The following MTMR9 variants were observed in gnomAD, a reference collection of about 807,000 sequenced individuals.
The protein encoded by MTMR9 is myotubularin related protein 9.
Under a neutral mutation model 69.5 loss-of-function variants are expected in MTMR9, and 39 were observed. That is an observed-to-expected ratio of 0.56 (90% CI 0.43 to 0.73). MTMR9 has a LOEUF of 0.73. MTMR9 is among the 30% of genes least tolerant of loss of function. The pLI is 0.00. For missense variants in MTMR9, 900 were observed against 671.2 expected (o/e 1.34, Z -3.77); for synonymous variants, 354 against 240.8 (o/e 1.47, Z -4.35).
downstream of MTMR9, chr8:11,331,080 G>A: frequency 6.4e-7 from 1 of 1,572,070 alleles, no homozygotes; most frequent in South Asian, 1.2e-5. Flanking sequence ...CCCTGAGCCA[G>A]GAGGAGAGGA....
rs780161839 is a variant in MTMR9 at position 11,304,867 on chromosome 8, C to G, written c.444C>G (p.Val148=). The G allele has an allele frequency of 6.2e-7, 1 of 1,614,016 alleles. No individual in the cohort carries two copies. The highest frequency in any genetic ancestry group is 8.5e-7 in the Non-Finnish European group (1 of 1,179,934). The change falls in exon 4 of 10, where the codon GTC becomes GTG. Residue 148 remains valine (V), a synonymous_variant. Coordinates refer to ENST00000221086, the MANE Select transcript of MTMR9 (RefSeq NM_015458.4). ...CCAGTGAATGGAGGCTAAGCTATGT[C>G]AATAAGGAATTTGCTGTCTGTCCCT... ...SATSEWRLSY[V]NKEFAVCPSY...
chr8:11,319,894 T>C (rs1033411396), intron 9 of MTMR9, 56 bp downstream of exon 9: 4 of 1,573,094 alleles, frequency 2.5e-6, no homozygotes, highest in Non-Finnish European at 3.5e-6. Context: ...TGCGGCTGCC[T>C]GTGAGTGTGT....
At chr8:11,319,645 T>G in intron 8 of MTMR9, 42 bp from the exon 9 acceptor site, 1 of 1,605,412 alleles carries the variant, frequency 6.2e-7, no homozygotes. Context: ...TAATGGTTGT[T>G]ATAAATTAAT....
chr8:11,285,216 C>G, intron 1 of MTMR9, 146 bp downstream of exon 1: 1 of 772,058 alleles, frequency 1.3e-6, no homozygotes, highest in Non-Finnish European at 2.0e-6. Flanking sequence ...CAGGATTTAC[C>G]AAGCTGAAAC....
chr8:11,295,494 G>A (rs1799522677), intron 2 of MTMR9, among the ~76,000 whole-genome samples, 192 bp downstream of exon 2: 1 of 128,520 alleles, frequency 7.8e-6, no homozygotes, highest in Non-Finnish European at 1.8e-5. Context: ...GCAGTGTCTG[G>A]TGTTACTCAC....
chr8:11,304,067 C>A (rs1297004830), intron 3 of MTMR9, among the ~76,000 whole-genome samples: 1 of 150,294 alleles, frequency 6.7e-6, no homozygotes, highest in Non-Finnish European at 1.5e-5. Flanking sequence ...TTTTTTTTTA[C>A]TGTAAAACCT....
In MTMR9 at chr8:11,319,712, A is replaced by G. The variant is rs1348011846; in HGVS notation, c.1360A>G (p.Thr454Ala). The G allele has an allele frequency of 1.9e-6, 3 of 1,614,032 alleles. No individual in the cohort carries two copies. The highest frequency in any genetic ancestry group is 1.7e-4 in the Middle Eastern group (1 of 5,944). The change falls in exon 9 of 10, where the codon ACG (threonine) becomes GCG (alanine). Residue 454 changes from threonine to alanine, a missense_variant. Coordinates refer to ENST00000221086, the MANE Select transcript of MTMR9 (RefSeq NM_015458.4). ...ATGTAAGTTGAAGCTACAGCAGAAGACGATGTCTTTGTGGTCCTGGGTTAA... is the reference window on the plus strand; with the variant it reads ...ATGTAAGTTGAAGCTACAGCAGAAGGCGATGTCTTTGTGGTCCTGGGTTAA... ...ERCKLKLQQK[T>A]MSLWSWVNQP... is the part of the protein sequence containing the mutation.
At chr8:11,313,247 T>G (rs1198547644) in intron 6 of MTMR9, among the ~76,000 whole-genome samples, 1 of 152,224 alleles carries the variant, frequency 6.6e-6, no homozygotes, top group African/African-American at 2.4e-5. Context: ...TCAGCCTTCA[T>G]AGAACTTTGT....
chr8:11,331,165 C>G (rs1013880894), downstream of MTMR9: 3 of 1,612,810 alleles, frequency 1.9e-6, no homozygotes, highest in African/African-American at 4.0e-5. Flanking sequence ...TCGCCGCCCT[C>G]CGCTCCACCC....
chr8:11,315,157 T>G (rs1800363734), intron 7 of MTMR9, 93 bp downstream of exon 7: 1 of 1,455,882 alleles, frequency 6.9e-7, no homozygotes, highest in Non-Finnish European at 9.4e-7. Flanking sequence ...AAATTTCGAT[T>G]GATTAAAATT....
chr8:11,310,336 C>T (rs1057347184), intron 6 of MTMR9, among the ~76,000 whole-genome samples: 1 of 152,266 alleles, frequency 6.6e-6, no homozygotes, highest in South Asian at 2.1e-4. Context: ...GCTTAGAATG[C>T]CGTTTCTAAG....
At chr8:11,337,035 G>A in the MTMR9 span, among the ~76,000 whole-genome samples, 77 of 152,214 alleles carry the variant, frequency 5.1e-4, 1 homozygote, top group South Asian at 8.3e-4. Flanking sequence ...AGAAGGGGGC[G>A]TTGTTTTGCT....
intron 1 of MTMR9, among the ~76,000 whole-genome samples, chr8:11,293,710 C>G (rs535337584): frequency 6.6e-6 from 1 of 151,190 alleles, no homozygotes; most frequent in East Asian, 1.9e-4. Flanking sequence ...GGTAAAAGGT[C>G]CCATTTTGAG....
rs1289479830 is a variant in MTMR9, at chr8:11,322,820, C to T, written c.*32C>T. 2.5e-6 allele frequency: 4 copies of T among 1,591,490 alleles called. No individual in the cohort carries two copies. Among genetic ancestry groups the T allele is most frequent in the Non-Finnish European group, 3.4e-6 (4 of 1,168,468 alleles). On this transcript the variant is annotated 3_prime_UTR_variant, in exon 10 of 10. Transcript: ENST00000221086. The stretch of plus-strand genomic sequence containing the variant: ...TCCTCGCACCCTTCGCAAGGACCTT[C>T]TTGGGCCTGTGTCCGCCGTTCTCTC...
chr8:11,298,957 A>C, intron 2 of MTMR9: 1 of 766,760 alleles, frequency 1.3e-6, no homozygotes, highest in Non-Finnish European at 1.6e-6. Flanking sequence ...ATGATGATAC[A>C]TGACCAAATG....
intron 9 of MTMR9, 26 bp downstream of exon 9, chr8:11,319,864 T>G: frequency 6.2e-7 from 1 of 1,612,608 alleles, no homozygotes; most frequent in Non-Finnish European, 8.5e-7. Flanking sequence ...TTTGCAAACT[T>G]CTTAACGGTC....
rs28634427 is a variant in MTMR9 at position 11,311,258 on chromosome 8, C to T, written c.971+1570C>T. 5.8e-3 allele frequency among the ~76,000 whole-genome samples: 880 copies of T among 152,158 alleles called. 9 individuals carry two copies. The highest frequency in any genetic ancestry group is 0.013 in the African/African-American group (553 of 41,494). ...ATCTGTTACTTTTAAATTAAGAACC[C>T]CCAAAGAATTCAACAGAAGACAAAA... On this transcript the variant is annotated intron_variant, in intron 6 of 9. Transcript: ENST00000221086.
chr8:11,331,303 A>T (rs778385439), downstream of MTMR9: 6 of 1,613,782 alleles, frequency 3.7e-6, no homozygotes, highest in Admixed American at 3.3e-5. Flanking sequence ...CAGGGTTCCA[A>T]CCTGCCCTCG....
In MTMR9 at chr8:11,298,720, A is replaced by ACC. The variant is rs1554501121; in HGVS notation, c.292-1294_292-1293dup. On this transcript the variant is annotated intron_variant, in intron 2 of 9. Coordinates refer to ENST00000221086, the MANE Select transcript of MTMR9 (RefSeq NM_015458.4). ...TGATATGGTATCCTTTCCCCGCTGC[A>ACC]CCCCCCCCCCGCCATCCAGTATAGA... is the stretch of plus-strand genomic sequence containing the variant. 3.4e-4 allele frequency: 245 copies of ACC among 727,904 alleles called. 2 individuals carry two copies. The African/African-American group carries it at 4.0e-3, about 12-fold the overall frequency. The allele number at this position is 727,904 out of a possible 1,614,324, so 45.1% of individuals were successfully genotyped here.
Sources: gnomAD v4.1 joint callset for allele counts (sites outside exome capture counted in the v4.1 genomes callset) on GRCh38, gnomAD v4.1.1 for gene constraint, MANE v1.5 for transcripts, NCBI Gene and HGNC (gene_info 2026-07-23, HGNC 2026-07-21) for gene names.